The following COL26A1 variants were observed in gnomAD, a reference collection of about 807,000 sequenced individuals.
The protein encoded by COL26A1 is collagen type XXVI alpha 1 chain.
Under a neutral mutation model 59.3 loss-of-function variants are expected in COL26A1, and 41 were observed. The observed-to-expected ratio is 0.69, with a 90% confidence interval of 0.54 to 0.90. COL26A1 has a LOEUF of 0.90. Among genes scored for constraint, COL26A1 ranks in the 40% least tolerant of loss-of-function variants. The pLI is 0.00. For missense variants in COL26A1, 612 were observed against 602.3 expected (o/e 1.02, Z -0.17); for synonymous variants, 266 against 256.0 (o/e 1.04, Z -0.37).
intron 3 of COL26A1, among the ~76,000 whole-genome samples, chr7:101,484,824 G>A (rs1204866960): frequency 2.0e-5 from 3 of 148,462 alleles, no homozygotes; most frequent in African/African-American, 7.4e-5. Flanking sequence ...CACCATGCCT[G>A]GCTAATTTTT....
chr7:101,547,655 G>A lies in COL26A1; in HGVS notation c.940+416G>A, dbSNP rs552747285. Among the ~76,000 whole-genome samples, 42 of 152,350 alleles carry A rather than the reference G, an allele frequency of 2.8e-4. 2 individuals carry two copies. In the South Asian group the frequency reaches 8.5e-3, roughly 31 times the overall value. ...CCATCATCCACATTCCTCATTGGGGGAAGAATGCAGGGCTGACTGCCTTGT... is the reference window on the plus strand; with the variant it reads ...CCATCATCCACATTCCTCATTGGGGAAAGAATGCAGGGCTGACTGCCTTGT... On this transcript the variant is annotated intron_variant, in intron 8 of 12. Coordinates refer to ENST00000313669, the MANE Select transcript of COL26A1 (RefSeq NM_001278563.3).
chr7:101,380,214 A>C (rs761394531), intron 1 of COL26A1, among the ~76,000 whole-genome samples: 8 of 150,608 alleles, frequency 5.3e-5, no homozygotes, highest in Non-Finnish European at 8.8e-5. Flanking sequence ...CTGGTCTCGA[A>C]CTCCTGACTT....
intron 3 of COL26A1, among the ~76,000 whole-genome samples, chr7:101,475,690 T>C (rs1003380788): frequency 2.6e-5 from 4 of 151,962 alleles, no homozygotes; most frequent in Admixed American, 2.0e-4. Flanking sequence ...CTACTGTGTA[T>C]TGGATGTGCG....
At chr7:101,424,755 C>T (rs1244692231) in intron 2 of COL26A1, among the ~76,000 whole-genome samples, 1 of 152,106 alleles carries the variant, frequency 6.6e-6, no homozygotes, top group Non-Finnish European at 1.5e-5. Flanking sequence ...CAGGTTGCAG[C>T]ATTATCCTTT....
At chr7:101,537,105 T>C (rs1795497796) in intron 4 of COL26A1, among the ~76,000 whole-genome samples, 1 of 152,118 alleles carries the variant, frequency 6.6e-6, no homozygotes, top group African/African-American at 2.4e-5. Context: ...AAGAGGGAGT[T>C]CTGGGGCAAG....
In COL26A1 at chr7:101,439,553, G is replaced by GAAAAAAA. The variant is rs574285424; in HGVS notation, c.282-8123_282-8117dup. On this transcript the variant is annotated intron_variant, in intron 2 of 12. Transcript: ENST00000313669. ...TGGGCGACAGGGTGAGACTCCGTCT[G>GAAAAAAA]AAAAAAAAAAAAAAGAGGTAAGGAA... Among the ~76,000 whole-genome samples, 2 of 81,936 alleles carry GAAAAAAA rather than the reference G, an allele frequency of 2.4e-5. 1 individual carries two copies. The allele number at this position is 81,936 out of a possible 152,430, so 53.8% of individuals were successfully genotyped here. A position where few individuals can be genotyped will look rare whatever the true frequency, so the allele number is the denominator to read the frequency against.
At chr7:101,504,823 GTGTA>G (rs1266773600) in intron 3 of COL26A1, among the ~76,000 whole-genome samples, 1 of 152,178 alleles carries the variant, frequency 6.6e-6, no homozygotes, top group African/African-American at 2.4e-5. Flanking sequence ...GTGTGTGTGT[GTGTA>G]TGTGTGTGTG....
chr7:101,367,700 A>G (rs1396549759), intron 1 of COL26A1, among the ~76,000 whole-genome samples: 1 of 151,428 alleles, frequency 6.6e-6, no homozygotes, highest in Non-Finnish European at 1.5e-5. Flanking sequence ...AAGAAGAGAA[A>G]TCAGAGCTCT....
chr7:101,387,406 A>T (rs1253763929), intron 1 of COL26A1, among the ~76,000 whole-genome samples: 2 of 151,206 alleles, frequency 1.3e-5, no homozygotes, highest in Non-Finnish European at 2.9e-5. Flanking sequence ...TTCCCCCTTG[A>T]TTATATTTAT....
intron 3 of COL26A1, among the ~76,000 whole-genome samples, chr7:101,508,653 A>G (rs35905227): frequency 0.098 from 14,684 of 150,538 alleles, 737 homozygotes; most frequent in South Asian, 0.11. Context: ...AGAGAATCTT[A>G]TTTACAGGAA....
chr7:101,391,035 C>T (rs1181869770), intron 1 of COL26A1, among the ~76,000 whole-genome samples: 1 of 152,228 alleles, frequency 6.6e-6, no homozygotes, highest in African/African-American at 2.4e-5. Context: ...GCCTTCTGTT[C>T]TGAGGTCAGC....
intron 6 of COL26A1, among the ~76,000 whole-genome samples, chr7:101,544,963 G>A (rs1019424252): frequency 2.2e-4 from 33 of 152,288 alleles, no homozygotes; most frequent in African/African-American, 7.5e-4. Flanking sequence ...TGCCGGGGAA[G>A]GACCCCTGGT....
chr7:101,380,766 A>G (rs1280366306), intron 1 of COL26A1, among the ~76,000 whole-genome samples: 3 of 152,152 alleles, frequency 2.0e-5, no homozygotes, highest in African/African-American at 7.2e-5. Flanking sequence ...GGGACCCTTT[A>G]CTTGCCCTTC....
chr7:101,491,333 G>T (rs1233196917), intron 3 of COL26A1, among the ~76,000 whole-genome samples: 1 of 152,114 alleles, frequency 6.6e-6, no homozygotes, highest in African/African-American at 2.4e-5. Flanking sequence ...ACAGAGAGCT[G>T]GTTGTTAAAC....
chr7:101,410,444 T>TTAATCTTGTTGGACA (rs1792217359), intron 1 of COL26A1, among the ~76,000 whole-genome samples: 1 of 152,174 alleles, frequency 6.6e-6, no homozygotes, highest in Non-Finnish European at 1.5e-5. Flanking sequence ...AAGAAGTTTA[T>TTAATCTTGTTGGACA]TAATCTTGTT....
chr7:101,462,033 T>C (rs1181475130), intron 3 of COL26A1, among the ~76,000 whole-genome samples: 1 of 148,788 alleles, frequency 6.7e-6, no homozygotes, highest in African/African-American at 2.5e-5. Flanking sequence ...GAAGTCTTGC[T>C]CTGTTACCCA....
chr7:101,495,750 A>T (rs1360006835), intron 3 of COL26A1, among the ~76,000 whole-genome samples: 1 of 149,486 alleles, frequency 6.7e-6, no homozygotes, highest in Non-Finnish European at 1.5e-5. Context: ...CACATCTGGC[A>T]TCTGGTCACT....
intron 4 of COL26A1, 28 bp downstream of exon 4, chr7:101,533,171 G>C: frequency 6.4e-7 from 1 of 1,565,272 alleles, no homozygotes; most frequent in East Asian, 2.3e-5. Context: ...GTCTGGGCCT[G>C]GGGAGCTGCC....
upstream of COL26A1, chr7:101,362,837 C>T (rs1428691943): frequency 8.8e-6 from 5 of 568,788 alleles, no homozygotes; most frequent in East Asian, 1.3e-4. Flanking sequence ...GAGCCCACCT[C>T]GCCGAATTTG....
Sources: allele counts gnomAD v4.1 joint callset (sites outside exome capture counted in the v4.1 genomes callset), GRCh38; gene constraint gnomAD v4.1.1; transcripts MANE v1.5; gene names NCBI Gene and HGNC (gene_info 2026-07-23, HGNC 2026-07-21).